The following GRID2 variants were observed in gnomAD, a reference collection of about 807,000 sequenced individuals.
The protein encoded by GRID2 is glutamate ionotropic receptor delta type subunit 2.
A neutral mutation model predicts 114.8 loss-of-function variants in GRID2; 33 were observed. The observed-to-expected ratio is 0.29, with a 90% CI of 0.22 to 0.38. The LOEUF (loss-of-function observed/expected upper bound fraction) is 0.38. Among genes scored for constraint, GRID2 ranks in the 10% least tolerant of loss-of-function variants. GRID2 has a pLI of 1.00. For synonymous variants in GRID2, 505 were observed against 449.9 expected (o/e 1.12, Z -1.55); for missense variants, 1,184 against 1,257.7 (o/e 0.94, Z 0.89).
At chr4:92,571,065 A>G (rs1727591202) in intron 1 of GRID2, among the ~76,000 whole-genome samples, 1 of 152,060 alleles carries the variant, frequency 6.6e-6, no homozygotes, top group Admixed American at 6.6e-5. Flanking sequence ...GCCACTCAGT[A>G]TGATATTGGC....
At chr4:92,412,581 TTA>T (rs1462470223) in intron 1 of GRID2, among the ~76,000 whole-genome samples, 2 of 152,208 alleles carry the variant, frequency 1.3e-5, no homozygotes, top group African/African-American at 4.8e-5. Flanking sequence ...ACAAATCATT[TTA>T]TATGAGTTTA....
At chr4:93,426,988 A>C (rs1768914556) in intron 10 of GRID2, among the ~76,000 whole-genome samples, 1 of 152,016 alleles carries the variant, frequency 6.6e-6, no homozygotes, top group African/African-American at 2.4e-5. Flanking sequence ...AGAGAGATTA[A>C]AAGAAAATTG....
At chr4:92,921,441 CCA>C (rs963531177) in intron 2 of GRID2, among the ~76,000 whole-genome samples, 5 of 151,894 alleles carry the variant, frequency 3.3e-5, no homozygotes. Flanking sequence ...TTTAGAGTTT[CCA>C]GTTTTTCTGC....
intron 13 of GRID2, among the ~76,000 whole-genome samples, chr4:93,576,182 T>C (rs1465852835): frequency 6.6e-6 from 1 of 152,206 alleles, no homozygotes; most frequent in Non-Finnish European, 1.5e-5. Context: ...AAGTTATCCC[T>C]GCCACTATGC....
intron 2 of GRID2, among the ~76,000 whole-genome samples, chr4:92,707,102 A>AT (rs1734992175): frequency 6.6e-6 from 1 of 152,160 alleles, no homozygotes; most frequent in Non-Finnish European, 1.5e-5. Context: ...AGTTATATTG[A>AT]TTTTTTAAAA....
At chr4:92,363,318 C>T (rs1728702114) in intron 1 of GRID2, among the ~76,000 whole-genome samples, 1 of 152,052 alleles carries the variant, frequency 6.6e-6, no homozygotes, top group South Asian at 2.1e-4. Context: ...TTTTTACAGG[C>T]TCTCAAACAG....
intron 2 of GRID2, among the ~76,000 whole-genome samples, chr4:92,934,121 A>T (rs994393394): frequency 1.3e-5 from 2 of 151,678 alleles, no homozygotes; most frequent in African/African-American, 4.8e-5. Flanking sequence ...CTACTTTAGA[A>T]ATTTAAATGC....
At chr4:93,476,494 T>C (rs1383948943) in intron 11 of GRID2, among the ~76,000 whole-genome samples, 1 of 152,136 alleles carries the variant, frequency 6.6e-6, no homozygotes, top group African/African-American at 2.4e-5. Flanking sequence ...GAAAATGCTT[T>C]TTACGATACA....
chr4:92,633,744 T>A (rs2149247960), intron 2 of GRID2, among the ~76,000 whole-genome samples: 1 of 152,272 alleles, frequency 6.6e-6, no homozygotes, highest in African/African-American at 2.4e-5. Context: ...CTTAAGGGCA[T>A]AATGGCCATA....
chr4:93,643,810 G>T lies in GRID2; in HGVS notation c.2360+17375G>T, dbSNP rs1278824830. ...CCAGAGGTGGAGCCTACAGAGGCAGGCAGGCCTCCTTGAGCTGTGGTGGGC... is the reference window on the plus strand; with the variant it reads ...CCAGAGGTGGAGCCTACAGAGGCAGTCAGGCCTCCTTGAGCTGTGGTGGGC... On this transcript the variant is annotated intron_variant, in intron 14 of 15. Coordinates refer to ENST00000282020, the MANE Select transcript of GRID2 (RefSeq NM_001510.4). Among the ~76,000 whole-genome samples the T allele has an allele frequency of 2.2e-4, 13 of 59,126 alleles. 3 individuals carry two copies. Among genetic ancestry groups the T allele is most frequent in the African/African-American group, 1.7e-3 (13 of 7,484 alleles). 38.8% of individuals were successfully genotyped at this position (59,126 alleles called of 152,430 possible).
At chr4:92,968,593 G>T (rs922304494) in intron 2 of GRID2, among the ~76,000 whole-genome samples, 2 of 151,770 alleles carry the variant, frequency 1.3e-5, no homozygotes, top group Non-Finnish European at 1.5e-5. Context: ...TTAATTTATG[G>T]AGGTAATTTA....
chr4:93,261,884 T>A (rs1374487279), intron 8 of GRID2, among the ~76,000 whole-genome samples: 2 of 151,510 alleles, frequency 1.3e-5, no homozygotes, highest in Non-Finnish European at 3.0e-5. Flanking sequence ...TATGTATGCA[T>A]GTTACATATA....
At chr4:93,301,690 C>A (rs754217541) in intron 8 of GRID2, among the ~76,000 whole-genome samples, 1 of 152,002 alleles carries the variant, frequency 6.6e-6, no homozygotes, top group East Asian at 1.9e-4. Context: ...TTACATAATC[C>A]TACGTATTGT....
At chr4:92,568,673 G>A (rs1327278353) in intron 1 of GRID2, among the ~76,000 whole-genome samples, 1 of 151,884 alleles carries the variant, frequency 6.6e-6, no homozygotes, top group Non-Finnish European at 1.5e-5. Context: ...CATTACCCAG[G>A]TATTAAGCCT....
intron 1 of GRID2, among the ~76,000 whole-genome samples, chr4:92,583,022 A>G (rs1390461601): frequency 6.6e-6 from 1 of 151,954 alleles, no homozygotes; most frequent in African/African-American, 2.4e-5. Context: ...AAAAATATAC[A>G]TATTATTTTC....
At chr4:93,520,635 C>G (rs1157973038) in intron 13 of GRID2, among the ~76,000 whole-genome samples, 1 of 151,992 alleles carries the variant, frequency 6.6e-6, no homozygotes, top group Non-Finnish European at 1.5e-5. Context: ...TGGATATGAT[C>G]AGAGTGGGAG....
At chr4:93,325,394 C>A (rs1194604097) in intron 8 of GRID2, among the ~76,000 whole-genome samples, 1 of 152,048 alleles carries the variant, frequency 6.6e-6, no homozygotes, top group Non-Finnish European at 1.5e-5. Context: ...CTGACTCATT[C>A]ACTCTGCTCT....
chr4:93,231,232 C>A (rs964116063), intron 7 of GRID2, among the ~76,000 whole-genome samples: 4 of 151,778 alleles, frequency 2.6e-5, no homozygotes, highest in African/African-American at 9.7e-5. Context: ...AATCATTTTT[C>A]ATTTTTTTCT....
intron 2 of GRID2, among the ~76,000 whole-genome samples, chr4:92,953,025 G>C (rs903193946): frequency 7.9e-5 from 12 of 152,110 alleles, no homozygotes; most frequent in African/African-American, 2.9e-4. Context: ...TCCAATCTCT[G>C]CCACTGTCCT....
Sources: gnomAD v4.1 joint callset for allele counts (sites outside exome capture counted in the v4.1 genomes callset) on GRCh38, gnomAD v4.1.1 for gene constraint, MANE v1.5 for transcripts, NCBI Gene and HGNC (gene_info 2026-07-23, HGNC 2026-07-21) for gene names.